TSHZ2: variants seen among roughly 807,000 people sequenced by gnomAD.
TSHZ2 encodes teashirt zinc finger homeobox 2, also known as teashirt homolog 2.
A neutral mutation model predicts 74.4 loss-of-function variants in TSHZ2; 21 were observed. The observed-to-expected ratio is 0.28, with a 90% CI of 0.20 to 0.41. TSHZ2 has a LOEUF of 0.41. Among genes scored for constraint, TSHZ2 ranks in the 10% least tolerant of loss-of-function variants. The probability of loss-of-function intolerance (pLI) is 1.00; values close to 1 mark genes in which losing one functional copy is unlikely to be tolerated. For synonymous variants in TSHZ2, 540 were observed against 515.3 expected (o/e 1.05, Z -0.65); for missense variants, 1,244 against 1,293.5 (o/e 0.96, Z 0.59).
Position 53,256,714 on chromosome 20 carries a change from C to T in TSHZ2, c.*8+143C>T, listed in dbSNP as rs140190322. On this transcript the variant is annotated intron_variant, in intron 2 of 2. Transcript: ENST00000371497. The surrounding 1 kb of genome is among the most constrained non-coding windows in gnomAD (Gnocchi z 4.3). ...GAGTAGGATTTATTTTAATGAAAGA[C>T]CAGAACATGAAAACTAAGTCCTAAT... 176 of 1,343,714 alleles carry T rather than the reference C, an allele frequency of 1.3e-4. No homozygotes were observed. The African/African-American group carries it at 2.1e-3, about 16-fold the overall frequency. 83.2% of individuals were successfully genotyped at this position (1,343,714 alleles called of 1,614,324 possible). A position where few individuals can be genotyped will look rare whatever the true frequency, so the allele number is the denominator to read the frequency against.
chr20:53,239,079 C>T (rs1156729159), intron 1 of TSHZ2, among the ~76,000 whole-genome samples: 1 of 152,136 alleles, frequency 6.6e-6, no homozygotes, highest in African/African-American at 2.4e-5. Flanking sequence ...AGATAAGTCT[C>T]TGTATTTGTT....
intron 1 of TSHZ2, among the ~76,000 whole-genome samples, chr20:53,087,300 C>T (rs776570897): frequency 6.6e-6 from 1 of 152,208 alleles, no homozygotes; most frequent in Non-Finnish European, 1.5e-5. Flanking sequence ...CAAATCTTCA[C>T]GTTTCCGTTA....
At chr20:53,238,021 G>A (rs554257664) in intron 1 of TSHZ2, among the ~76,000 whole-genome samples, 1 of 152,220 alleles carries the variant, frequency 6.6e-6, no homozygotes, top group East Asian at 1.9e-4. Context: ...CTTTGGAAGG[G>A]AATATTTGCT....
chr20:53,396,262 T>TA (rs1391999771), intron 2 of TSHZ2, among the ~76,000 whole-genome samples: 6 of 152,172 alleles, frequency 3.9e-5, no homozygotes, highest in African/African-American at 1.4e-4. Context: ...ATGAGAATAA[T>TA]ACAAAATATC....
intron 2 of TSHZ2, among the ~76,000 whole-genome samples, chr20:53,472,928 C>T (rs1297440947): frequency 5.9e-5 from 9 of 152,106 alleles, no homozygotes; most frequent in African/African-American, 1.2e-4. Context: ...CACTCTCACC[C>T]GAATACTGCG....
chr20:53,183,436 C>T (rs1988529271), intron 1 of TSHZ2, among the ~76,000 whole-genome samples: 1 of 152,156 alleles, frequency 6.6e-6, no homozygotes, highest in South Asian at 2.1e-4. Context: ...TTTACAGTAA[C>T]CCACATGCAG....
chr20:53,214,133 T>C (rs989207052), intron 1 of TSHZ2, among the ~76,000 whole-genome samples: 2 of 152,164 alleles, frequency 1.3e-5, no homozygotes, highest in Non-Finnish European at 2.9e-5. Context: ...ATTATTTAAA[T>C]TGATGTAATT....
intron 1 of TSHZ2, among the ~76,000 whole-genome samples, chr20:53,235,146 G>T (rs1204546416): frequency 7.6e-6 from 1 of 131,436 alleles, no homozygotes; most frequent in Admixed American, 7.9e-5. Flanking sequence ...GCGGGGGGGG[G>T]GGAATGGGGG....
chr20:53,439,703 G>T (rs916745560), intron 2 of TSHZ2, among the ~76,000 whole-genome samples: 1 of 152,240 alleles, frequency 6.6e-6, no homozygotes, highest in South Asian at 2.1e-4. Flanking sequence ...AGTTGGAAGC[G>T]CTGTGTCTGT....
At chr20:53,320,262 G>A (rs1433636915) in intron 2 of TSHZ2, among the ~76,000 whole-genome samples, 1 of 152,140 alleles carries the variant, frequency 6.6e-6, no homozygotes, top group African/African-American at 2.4e-5. Flanking sequence ...TTCAAATGAG[G>A]AAACTGAGGC....
At chr20:53,106,922 T>G (rs1391480783) in intron 1 of TSHZ2, among the ~76,000 whole-genome samples, 1 of 151,876 alleles carries the variant, frequency 6.6e-6, no homozygotes, top group Admixed American at 6.6e-5. Flanking sequence ...GATCTTGAAC[T>G]CCTGACCTCA....
At position 52,973,160 on chromosome 20, in the gene TSHZ2, G is replaced by T. The variant is rs567279939; in HGVS notation, c.-134G>T. ...GAGTTGCAGGGGGGATCGTCAGGGG[G>T]ACAGAGGCCGAGTGACGTCCTAGGA... On this transcript the variant is annotated 5_prime_UTR_variant, in exon 1 of 3. Coordinates refer to ENST00000371497, the MANE Select transcript of TSHZ2 (RefSeq NM_173485.6). 7.3e-5 allele frequency: 85 copies of T among 1,168,938 alleles called. 1 individual carries two copies. In the Admixed American group the frequency reaches 1.9e-3, roughly 26 times the overall value. The allele number at this position is 1,168,938 out of a possible 1,614,324, so 72.4% of individuals were successfully genotyped here. A position where few individuals can be genotyped will look rare whatever the true frequency, so the allele number is the denominator to read the frequency against.
In TSHZ2 at chr20:53,137,490, G is replaced by A. The variant is rs988204613; in HGVS notation, c.41-116009G>A. Reference sequence around the variant, plus strand: ...GGAATCACTTTGTAAATGGCTGTCAGGAACTGCCCCTCCATTAAGGAGCCA... The same window carrying A: ...GGAATCACTTTGTAAATGGCTGTCAAGAACTGCCCCTCCATTAAGGAGCCA... On this transcript the variant is annotated intron_variant, in intron 1 of 2. Transcript: ENST00000371497. 5.3e-5 allele frequency among the ~76,000 whole-genome samples: 8 copies of A among 152,204 alleles called. No homozygotes were observed. The South Asian group carries it at 1.7e-3, about 32-fold the overall frequency.
intron 1 of TSHZ2, among the ~76,000 whole-genome samples, chr20:53,161,129 G>GAAAAAAAAAAA (rs1470010170): frequency 5.0e-5 from 1 of 20,014 alleles, no homozygotes; most frequent in South Asian, 1.0e-3. Flanking sequence ...GTTATTTTCA[G>GAAAAAAAAAAA]CAAAAAAAAA....
chr20:53,345,805 G>C (rs969538227), intron 2 of TSHZ2, among the ~76,000 whole-genome samples: 1 of 143,008 alleles, frequency 7.0e-6, no homozygotes, highest in African/African-American at 2.6e-5. Flanking sequence ...TCAGCATCCT[G>C]CCACCCCTAA....
intron 1 of TSHZ2, among the ~76,000 whole-genome samples, chr20:53,020,760 T>C (rs1373320924): frequency 6.6e-6 from 1 of 152,200 alleles, no homozygotes; most frequent in East Asian, 1.9e-4. Context: ...TGATACTGTG[T>C]TTCTGGATAA....
intron 1 of TSHZ2, among the ~76,000 whole-genome samples, chr20:53,202,231 G>C (rs1324060476): frequency 1.3e-5 from 2 of 152,114 alleles, no homozygotes; most frequent in African/African-American, 4.8e-5. Context: ...AGTACCTGCT[G>C]GCTTTGGTTT....
intron 2 of TSHZ2, among the ~76,000 whole-genome samples, chr20:53,371,144 A>G (rs1981454795): frequency 6.6e-6 from 1 of 152,158 alleles, no homozygotes; most frequent in Non-Finnish European, 1.5e-5. Context: ...TAACTGAATT[A>G]CACCTGCAAA....
At chr20:53,070,450 G>A (rs1006130044) in intron 1 of TSHZ2, among the ~76,000 whole-genome samples, 3 of 152,186 alleles carry the variant, frequency 2.0e-5, no homozygotes, top group Admixed American at 6.5e-5. Context: ...GAAATTATCT[G>A]TGAAGCAATC....
Sources: allele counts gnomAD v4.1 joint callset (sites outside exome capture counted in the v4.1 genomes callset), GRCh38; gene constraint gnomAD v4.1.1; non-coding constraint Gnocchi (gnomAD v3.1); transcripts MANE v1.5; gene names NCBI Gene and HGNC (gene_info 2026-07-23, HGNC 2026-07-21).